Variants in DAB1 observed in about 807,000 individuals in gnomAD.
The protein encoded by DAB1 is disabled homolog 1.
DAB1 carries 15 observed loss-of-function variants against 64.6 expected under a neutral mutation model. That is an observed-to-expected ratio of 0.23 (90% CI 0.16 to 0.36). The LOEUF (loss-of-function observed/expected upper bound fraction) is 0.36, where lower values mean the gene tolerates loss of function less well. DAB1 is among the 10% of genes least tolerant of loss of function. The probability of loss-of-function intolerance (pLI) is 1.00; values close to 1 mark genes in which losing one functional copy is unlikely to be tolerated. For missense variants in DAB1, 596 were observed against 706.7 expected (o/e 0.84, Z 1.78); for synonymous variants, 235 against 251.9 (o/e 0.93, Z 0.64).
intron 1 of DAB1, among the ~76,000 whole-genome samples, chr1:57,394,472 T>C (rs1682644179): frequency 6.6e-6 from 1 of 152,232 alleles, no homozygotes; most frequent in Admixed American, 6.5e-5. Flanking sequence ...GCTTCAAGTT[T>C]ATCCTTTCCT....
At chr1:58,460,509 T>C (rs1645233906) in intron 3 of DAB1, among the ~76,000 whole-genome samples, 1 of 152,210 alleles carries the variant, frequency 6.6e-6, no homozygotes, top group South Asian at 2.1e-4. Context: ...CTGTCTCCCT[T>C]CCTTCACTTG....
intron 1 of DAB1, among the ~76,000 whole-genome samples, chr1:57,315,097 T>C (rs1447746856): frequency 6.6e-6 from 1 of 152,180 alleles, no homozygotes; most frequent in African/African-American, 2.4e-5. Context: ...TCTTCTGTCC[T>C]TTCTGCTTCA....
At chr1:57,517,400 T>C (rs936780959) in intron 7 of DAB1, among the ~76,000 whole-genome samples, 37 of 152,224 alleles carry the variant, frequency 2.4e-4, no homozygotes, top group African/African-American at 8.9e-4. Context: ...GCAAAGGTGC[T>C]GACCTAACTG....
chr1:58,066,697 G>A (rs1648874948), intron 5 of DAB1, among the ~76,000 whole-genome samples: 1 of 152,216 alleles, frequency 6.6e-6, no homozygotes, highest in South Asian at 2.1e-4. Context: ...TCTGACTATT[G>A]CACTGTGCTG....
intron 3 of DAB1, among the ~76,000 whole-genome samples, chr1:58,352,668 G>A (rs554334743): frequency 5.3e-4 from 81 of 152,240 alleles, no homozygotes; most frequent in African/African-American, 1.9e-3. Context: ...TATTCACACT[G>A]TGGTCTACTG....
At position 57,003,030 on chromosome 1, in the gene DAB1, TGTGG is replaced by T. The variant is rs543031078; in HGVS notation, c.*16-4906_*16-4903del. ...AATGGTTTTAGGCCTAATAATCACC[TGTGG>T]GTTTCTTTTCAAATGGCCTCTCCTT... On this transcript the variant is annotated intron_variant, in intron 14 of 14. Transcript: ENST00000371236. 2.0e-5 allele frequency among the ~76,000 whole-genome samples: 3 copies of T among 152,370 alleles called. No individual in the cohort carries two copies. The East Asian group carries it at 5.8e-4, about 29-fold the overall frequency.
chr1:57,780,418 G>A (rs1461670394), intron 6 of DAB1, among the ~76,000 whole-genome samples: 1 of 151,994 alleles, frequency 6.6e-6, no homozygotes, highest in Admixed American at 6.6e-5. Flanking sequence ...TGTCAGAGAG[G>A]GCTGTTGTCT....
intron 6 of DAB1, among the ~76,000 whole-genome samples, chr1:57,659,339 G>A (rs7550025): frequency 0.016 from 2,363 of 152,172 alleles, 56 homozygotes; most frequent in African/African-American, 0.053. Context: ...TGCAAAATAC[G>A]TGCAGCACTG....
At chr1:57,349,134 G>T (rs1429691287) in intron 1 of DAB1, among the ~76,000 whole-genome samples, 3 of 152,080 alleles carry the variant, frequency 2.0e-5, no homozygotes, top group Non-Finnish European at 4.4e-5. Context: ...AAAAGGGTGG[G>T]GCTTTCTTCA....
intron 2 of DAB1, among the ~76,000 whole-genome samples, chr1:58,520,438 A>G (rs1313175458): frequency 6.6e-6 from 1 of 152,222 alleles, no homozygotes; most frequent in African/African-American, 2.4e-5. Flanking sequence ...ACAAAGGAAT[A>G]TAAATGAAGT....
intron 2 of DAB1, among the ~76,000 whole-genome samples, chr1:57,273,496 C>T (rs1245269190): frequency 6.6e-6 from 1 of 151,998 alleles, no homozygotes; most frequent in African/African-American, 2.4e-5. Context: ...ACAGCGCCAA[C>T]ATCTAAGATG....
intron 6 of DAB1, among the ~76,000 whole-genome samples, chr1:57,678,932 A>G (rs1646603183): frequency 1.4e-5 from 1 of 69,594 alleles, no homozygotes; most frequent in African/African-American, 7.3e-5. Flanking sequence ...ATGCCCGGCT[A>G]ATTTTTTTTT....
At chr1:57,463,821 T>C (rs1333447550) in intron 7 of DAB1, among the ~76,000 whole-genome samples, 1 of 152,204 alleles carries the variant, frequency 6.6e-6, no homozygotes, top group East Asian at 1.9e-4. Context: ...TGTCAGGCAC[T>C]ACAATATGTG....
At chr1:57,508,489 C>T (rs1644371907) in intron 7 of DAB1, among the ~76,000 whole-genome samples, 1 of 152,242 alleles carries the variant, frequency 6.6e-6, no homozygotes, top group African/African-American at 2.4e-5. Flanking sequence ...GCACCTTCTT[C>T]CTTGTCCTTT....
chr1:57,460,327 T>C (rs1472540920), intron 7 of DAB1, among the ~76,000 whole-genome samples: 1 of 152,146 alleles, frequency 6.6e-6, no homozygotes, highest in Non-Finnish European at 1.5e-5. Flanking sequence ...TTGCTCTTAT[T>C]ATTATTCTTA....
intron 4 of DAB1, among the ~76,000 whole-genome samples, chr1:57,106,294 T>C (rs930563776): frequency 6.7e-6 from 1 of 150,290 alleles, no homozygotes; most frequent in African/African-American, 2.5e-5. Flanking sequence ...ATTGAATGTT[T>C]GGGGGGAATT....
At chr1:57,912,299 C>T (rs1450279934) in intron 5 of DAB1, among the ~76,000 whole-genome samples, 1 of 152,100 alleles carries the variant, frequency 6.6e-6, no homozygotes, top group Non-Finnish European at 1.5e-5. Flanking sequence ...CTCCATTAAG[C>T]AAAAGCAGGA....
chr1:58,219,019 CTCTCTCTGTG>C (rs1274476127), intron 4 of DAB1, among the ~76,000 whole-genome samples: 52 of 126,276 alleles, frequency 4.1e-4, no homozygotes, highest in Admixed American at 1.1e-3. Context: ...CTCTCTCTCT[CTCTCTCTGTG>C]TGTGTGTGTG....
chr1:57,917,912 T>C (rs990460203), intron 5 of DAB1, among the ~76,000 whole-genome samples: 1 of 151,926 alleles, frequency 6.6e-6, no homozygotes, highest in African/African-American at 2.4e-5. Context: ...TCTAAAAATG[T>C]GATTTCCTAG....
Sources: allele counts gnomAD v4.1 joint callset (sites outside exome capture counted in the v4.1 genomes callset), GRCh38; gene constraint gnomAD v4.1.1; transcripts MANE v1.5; gene names NCBI Gene and HGNC (gene_info 2026-07-23, HGNC 2026-07-21).